The following KCNIP4 variants were observed in gnomAD, a reference collection of about 807,000 sequenced individuals.
KCNIP4 encodes the protein potassium voltage-gated channel interacting protein 4.
In KCNIP4, 12 loss-of-function variants were observed where a neutral mutation model predicts 34.0. The ratio of observed to expected loss-of-function variants is 0.35; its 90% confidence interval spans 0.23 to 0.57. The LOEUF is 0.57. Among genes scored for constraint, KCNIP4 ranks in the 20% least tolerant of loss-of-function variants. KCNIP4 has a pLI of 0.83. For synonymous variants in KCNIP4, 124 were observed against 102.2 expected, an observed-to-expected ratio of 1.21 and a Z score of -1.29; for missense variants, 238 against 311.7, an observed-to-expected ratio of 0.76 and a Z score of 1.78.
intron 1 of KCNIP4, among the ~76,000 whole-genome samples, chr4:21,918,574 C>G (rs1373489582): frequency 6.6e-6 from 1 of 152,092 alleles, no homozygotes; most frequent in Non-Finnish European, 1.5e-5. Flanking sequence ...CCTAATTCAC[C>G]TTAACTTAGA....
At chr4:21,854,234 A>G (rs1186167986) in intron 1 of KCNIP4, among the ~76,000 whole-genome samples, 1 of 152,178 alleles carries the variant, frequency 6.6e-6, no homozygotes, top group African/African-American at 2.4e-5. Context: ...CTGCTCCTGC[A>G]CTCAGCAGTG....
chr4:21,420,342 A>G (rs567900975), intron 1 of KCNIP4, among the ~76,000 whole-genome samples: 2 of 152,228 alleles, frequency 1.3e-5, no homozygotes, highest in African/African-American at 4.8e-5. Flanking sequence ...GGCTGTCATC[A>G]TCTTGTTTAT....
intron 1 of KCNIP4, among the ~76,000 whole-genome samples, chr4:21,751,497 C>T (rs1474876759): frequency 6.6e-6 from 1 of 152,060 alleles, no homozygotes; most frequent in East Asian, 1.9e-4. Flanking sequence ...ATGACCTCCT[C>T]AAATAAATTA....
intron 1 of KCNIP4, among the ~76,000 whole-genome samples, chr4:21,670,724 T>C (rs901247612): frequency 6.6e-5 from 10 of 152,158 alleles, no homozygotes; most frequent in South Asian, 2.1e-4. Context: ...GGCGCGATCT[T>C]GGCTCACTGC....
At chr4:21,220,874 T>C (rs935644932) in intron 1 of KCNIP4, among the ~76,000 whole-genome samples, 2 of 152,138 alleles carry the variant, frequency 1.3e-5, no homozygotes, top group South Asian at 4.1e-4. Context: ...TTTTTTAAAC[T>C]TGACATTAAA....
intron 1 of KCNIP4, among the ~76,000 whole-genome samples, chr4:21,920,067 T>TAA: frequency 6.6e-6 from 1 of 152,216 alleles, no homozygotes; most frequent in African/African-American, 2.4e-5. Flanking sequence ...CTGACTTATT[T>TAA]AAAGACTACT....
intron 1 of KCNIP4, among the ~76,000 whole-genome samples, chr4:21,463,995 G>A (rs113837323): frequency 6.6e-6 from 1 of 151,766 alleles, no homozygotes. Flanking sequence ...TAATTTGTTG[G>A]CACACAAATG....
chr4:21,939,979 G>C (rs1730110655), intron 1 of KCNIP4, among the ~76,000 whole-genome samples: 1 of 152,034 alleles, frequency 6.6e-6, no homozygotes, highest in Non-Finnish European at 1.5e-5. Flanking sequence ...GCCTACACCA[G>C]AACATCATGT....
intron 1 of KCNIP4, among the ~76,000 whole-genome samples, chr4:21,206,827 G>C (rs1266786835): frequency 6.6e-6 from 1 of 152,198 alleles, no homozygotes; most frequent in Non-Finnish European, 1.5e-5. Flanking sequence ...TCATAACACA[G>C]CTAGTAAAGG....
chr4:21,256,358 A>T (rs1461081355), intron 1 of KCNIP4, among the ~76,000 whole-genome samples: 3 of 146,736 alleles, frequency 2.0e-5, no homozygotes. Context: ...TTCCGGGATG[A>T]TGGCTTGAGC....
intron 1 of KCNIP4, among the ~76,000 whole-genome samples, chr4:21,761,689 A>G (rs1034532029): frequency 3.9e-5 from 6 of 152,162 alleles, no homozygotes; most frequent in Admixed American, 2.0e-4. Context: ...TGTTTCTTAT[A>G]ACAAAATTAA....
intron 1 of KCNIP4, among the ~76,000 whole-genome samples, chr4:21,148,854 C>T (rs1408952093): frequency 6.6e-6 from 1 of 152,118 alleles, no homozygotes. Context: ...TTTTGATGAA[C>T]ACTAAAACTT....
chr4:21,346,685 T>G (rs1032288064), intron 1 of KCNIP4, among the ~76,000 whole-genome samples: 1 of 152,124 alleles, frequency 6.6e-6, no homozygotes. Context: ...TGTATACAAA[T>G]CACCTGGGGA....
At chr4:20,744,586 G>C (rs570051802) in intron 5 of KCNIP4, among the ~76,000 whole-genome samples, 3 of 151,674 alleles carry the variant, frequency 2.0e-5, no homozygotes, top group Admixed American at 6.6e-5. Context: ...TTGGACATAG[G>C]ATGGAGAACA....
intron 1 of KCNIP4, among the ~76,000 whole-genome samples, chr4:21,042,094 C>A (rs1240882083): frequency 6.6e-6 from 1 of 152,188 alleles, no homozygotes; most frequent in African/African-American, 2.4e-5. Flanking sequence ...TGATCTAGGT[C>A]TCAGTTTTCA....
At chr4:20,888,992 A>G (rs1427852759) in intron 1 of KCNIP4, among the ~76,000 whole-genome samples, 1 of 152,144 alleles carries the variant, frequency 6.6e-6, no homozygotes, top group Non-Finnish European at 1.5e-5. Context: ...AATTTTTACT[A>G]TAGGAGTGTA....
chr4:21,026,434 G>A (rs1431587865), intron 1 of KCNIP4, among the ~76,000 whole-genome samples: 7 of 152,040 alleles, frequency 4.6e-5, no homozygotes, highest in Non-Finnish European at 1.0e-4. Context: ...TAGTTTGCTC[G>A]GTTGAACCCA....
At chr4:21,476,919 T>C (rs1327958678) in intron 1 of KCNIP4, among the ~76,000 whole-genome samples, 1 of 152,078 alleles carries the variant, frequency 6.6e-6, no homozygotes, top group Non-Finnish European at 1.5e-5. Context: ...TTACCTCCTT[T>C]AACAAATCCA....
intron 1 of KCNIP4, among the ~76,000 whole-genome samples, chr4:20,943,122 G>A (rs1237289255): frequency 2.2e-5 from 1 of 45,170 alleles, no homozygotes; most frequent in Admixed American, 2.2e-4. Flanking sequence ...TGCAGGCATT[G>A]CATTTTTTTA....
Sources: gnomAD v4.1 joint callset for allele counts (sites outside exome capture counted in the v4.1 genomes callset) on GRCh38, gnomAD v4.1.1 for gene constraint, MANE v1.5 for transcripts, NCBI Gene and HGNC (gene_info 2026-07-23, HGNC 2026-07-21) for gene names.